The following ENTPD8 variants were observed in gnomAD, a reference collection of about 807,000 sequenced individuals.
ENTPD8 encodes the protein E-NTPDase 8.
ENTPD8 carries 35 observed loss-of-function variants against 47.0 expected under a neutral mutation model. The ratio of observed to expected loss-of-function variants is 0.75; its 90% CI spans 0.57 to 0.99. The LOEUF (loss-of-function observed/expected upper bound fraction) is 0.99. Among genes scored for constraint, ENTPD8 ranks in the 50% least tolerant of loss-of-function variants. The pLI is 0.00. For synonymous variants in ENTPD8, 308 were observed against 290.5 expected (o/e 1.06, Z -0.61); for missense variants, 668 against 649.9 (o/e 1.03, Z -0.30).
Position 137,436,101 on chromosome 9 carries a change from C to T in ENTPD8, c.962G>A (p.Arg321Gln), listed in dbSNP as rs778907369. 32 of 1,612,902 alleles carry T rather than the reference C, an allele frequency of 2.0e-5. No homozygotes were observed. The highest frequency in any genetic ancestry group is 8.3e-5 in the Admixed American group (5 of 60,010). Residue 321 changes from arginine to glutamine, a missense_variant, in exon 7 of 10, where the codon CGG becomes CAG. Physicochemically the swap from Arg to Gln is conservative, Grantham distance 43. Coordinates refer to ENST00000371506, the MANE Select transcript of ENTPD8 (RefSeq NM_001033113.2). ...GNPGACVSAI[R>Q]ELFNFSSCQG... ...GCAGCTGGAGAAGTTGAAAAGTTCCCGGATGGCTGAGACGCAGGCTCCAGG... is the reference window on the plus strand; with the variant it reads ...GCAGCTGGAGAAGTTGAAAAGTTCCTGGATGGCTGAGACGCAGGCTCCAGG...
intron 1 of ENTPD8, among the ~76,000 whole-genome samples, chr9:137,440,231 C>G (rs1300244037): frequency 4.1e-5 from 3 of 73,348 alleles, no homozygotes; most frequent in Admixed American, 1.2e-4. Flanking sequence ...CAGGACACCC[C>G]CTCACACAGA....
rs770182462 is a variant in ENTPD8, at chr9:137,436,087, A to G, written c.976T>C (p.Phe326Leu). Residue 326 changes from phenylalanine (F) to leucine (L), a missense_variant, in exon 7 of 10, where the codon TTC becomes CTC. Phe to Leu is a conservative substitution (Grantham distance 22). Coordinates refer to ENST00000371506, the MANE Select transcript of ENTPD8 (RefSeq NM_001033113.2). ...TCCTCCTGGCCCTGGCAGCTGGAGA[A>G]GTTGAAAAGTTCCCGGATGGCTGAG... ...CVSAIRELFN[F>L]SSCQGQEDCA... is the part of the protein sequence containing the mutation. 2.5e-6 allele frequency: 4 copies of G among 1,612,996 alleles called. No individual in the cohort carries two copies. The highest frequency in any genetic ancestry group is 3.4e-6 in the Non-Finnish European group (4 of 1,179,980).
intron 6 of ENTPD8, 69 bp from the exon 7 acceptor site, chr9:137,436,345 A>G: frequency 1.4e-6 from 2 of 1,449,718 alleles, no homozygotes; most frequent in Non-Finnish European, 1.8e-6. Flanking sequence ...CCGGGGCCGG[A>G]TGACCCACGC....
At chr9:137,439,013 G>T (rs963714205) in intron 1 of ENTPD8, among the ~76,000 whole-genome samples, 5 of 152,146 alleles carry the variant, frequency 3.3e-5, no homozygotes, top group African/African-American at 4.8e-5. Flanking sequence ...TAGGGTGGGG[G>T]TTTCTCTCTG....
In ENTPD8 at chr9:137,437,033, G is replaced by A; in HGVS notation, c.396-5C>T. 1 of 1,611,532 alleles carries A rather than the reference G, an allele frequency of 6.2e-7. No homozygotes were observed. Among genetic ancestry groups the A allele is most frequent in the Non-Finnish European group, 8.5e-7 (1 of 1,179,110 alleles). On this transcript the variant is annotated splice_polypyrimidine_tract_variant and splice_region_variant and intron_variant, in intron 4 of 9. Coordinates refer to ENST00000371506, the MANE Select transcript of ENTPD8 (RefSeq NM_001033113.2). ...GCCTGAGAGCTGTTCTTCCGGCTGG[G>A]CACAGAGGACCAGGGGCTGGAGCTG... is the stretch of plus-strand genomic sequence containing the variant.
In ENTPD8 at chr9:137,438,602, C is replaced by T. The variant is rs983755179; in HGVS notation, c.-20-297G>A. 2.7e-5 allele frequency among the ~76,000 whole-genome samples: 4 copies of T among 150,124 alleles called. No individual in the cohort carries two copies. The highest frequency in any genetic ancestry group is 4.9e-5 in the African/African-American group (2 of 40,730). On this transcript the variant is annotated intron_variant, in intron 1 of 9. Coordinates refer to ENST00000371506, the MANE Select transcript of ENTPD8 (RefSeq NM_001033113.2). This position sits in a 1 kb window ranked among gnomAD's most constrained non-coding sequence, Gnocchi z 5.7. ...CATAGAGGCATCCCCGGGGCTCAGA[C>T]GGCCTCCCGTGGCCATAGAGGCATC...
intron 1 of ENTPD8, among the ~76,000 whole-genome samples, chr9:137,440,008 GCC>G (rs1331706985): frequency 8.0e-5 from 3 of 37,288 alleles, no homozygotes. Context: ...GACCAGGACA[GCC>G]CCCCCCAGAC....
intron 1 of ENTPD8, among the ~76,000 whole-genome samples, chr9:137,439,483 G>A (rs546726304): frequency 2.8e-3 from 429 of 152,270 alleles, no homozygotes; most frequent in Middle Eastern, 0.027. Context: ...TGGCAGGCGC[G>A]GGTGCTGCCC....
Position 137,441,237 on chromosome 9 carries a change from G to GC in ENTPD8, c.-21+48dup, listed in dbSNP as rs200180807. 2.3e-4 allele frequency: 26 copies of GC among 115,478 alleles called. 1 individual carries two copies. The highest frequency in any genetic ancestry group is 1.4e-3 in the African/African-American group (24 of 16,770). The allele number at this position is 115,478 out of a possible 1,614,324, so 7.2% of individuals were successfully genotyped here. A position where few individuals can be genotyped will look rare whatever the true frequency, so the allele number is the denominator to read the frequency against. ...CAGGACAGCCCCCCAGACCAGGACA[G>GC]CCCCCCAGACCAGGACAGCCCCCCC... is the stretch of plus-strand genomic sequence containing the variant. On this transcript the variant is annotated intron_variant, in intron 1 of 9. Transcript: ENST00000371506.
At chr9:137,436,361 C>A in intron 6 of ENTPD8, 85 bp from the exon 7 acceptor site, 6 of 1,439,112 alleles carry the variant, frequency 4.2e-6, no homozygotes, top group South Asian at 1.4e-5. Flanking sequence ...CACGCCAGCC[C>A]CGCGCCCATA....
At position 137,434,836 on chromosome 9, in the gene ENTPD8, G is replaced by A. The variant is rs1056040534; in HGVS notation, c.*78C>T. On this transcript the variant is annotated 3_prime_UTR_variant, in exon 10 of 10. Coordinates refer to ENST00000371506, the MANE Select transcript of ENTPD8 (RefSeq NM_001033113.2). ...GAGCCACAGAGCAAGGCCCCACGGC[G>A]CTCAGGGCTCAGGAAGCCTCCAGCA... 5.5e-6 allele frequency: 8 copies of A among 1,461,360 alleles called. No individual in the cohort carries two copies. The African/African-American group carries it at 5.6e-5, about 10-fold the overall frequency. 90.5% of individuals were successfully genotyped at this position (1,461,360 alleles called of 1,614,324 possible). A position where few individuals can be genotyped will look rare whatever the true frequency, so the allele number is the denominator to read the frequency against.
rs948833071 is a variant in ENTPD8 at position 137,438,763 on chromosome 9, G to C, written c.-20-458C>G. Reference sequence around the variant, plus strand: ...CATCAGAGGGCCCTGTGGGAGGGGGGCGGGGGGCAGCAGAGGCCTCGTCTG... The same window carrying C: ...CATCAGAGGGCCCTGTGGGAGGGGGCCGGGGGGCAGCAGAGGCCTCGTCTG... On this transcript the variant is annotated intron_variant, in intron 1 of 9. Coordinates refer to ENST00000371506, the MANE Select transcript of ENTPD8 (RefSeq NM_001033113.2). The surrounding 1 kb of genome is among the most constrained non-coding windows in gnomAD (Gnocchi z 5.7). 1.3e-5 allele frequency among the ~76,000 whole-genome samples: 2 copies of C among 152,138 alleles called. No homozygotes were observed. The highest frequency in any genetic ancestry group is 6.5e-5 in the Admixed American group (1 of 15,286).
intron 1 of ENTPD8, among the ~76,000 whole-genome samples, chr9:137,439,073 G>A (rs957180653): frequency 6.6e-6 from 1 of 152,124 alleles, no homozygotes; most frequent in Non-Finnish European, 1.5e-5. Context: ...CCCAGGGTGA[G>A]GCCAGCCATC....
chr9:137,435,471 C>T (rs1455553401), intron 8 of ENTPD8, 133 bp from the exon 9 acceptor site: 2 of 1,407,176 alleles, frequency 1.4e-6, no homozygotes, highest in Non-Finnish European at 1.9e-6. Context: ...AGAGCCCCTC[C>T]CTGGCCCCAC....
chr9:137,435,396 G>A, intron 8 of ENTPD8, 58 bp from the exon 9 acceptor site: 1 of 1,568,696 alleles, frequency 6.4e-7, no homozygotes, highest in Non-Finnish European at 8.6e-7. Context: ...GTCATGCGGG[G>A]ACCGCCCCAT....
Position 137,438,845 on chromosome 9 carries a change from C to T in ENTPD8, c.-20-540G>A, listed in dbSNP as rs552775304. On this transcript the variant is annotated intron_variant, in intron 1 of 9. Transcript: ENST00000371506. This position sits in a 1 kb window ranked among gnomAD's most constrained non-coding sequence, Gnocchi z 5.7. Reference sequence around the variant, plus strand: ...CCCTCGGACCCCCTCGGATGGGACTCGCGGAGCTGCCCCCACCATGTGATG... The same window carrying T: ...CCCTCGGACCCCCTCGGATGGGACTTGCGGAGCTGCCCCCACCATGTGATG... 2.0e-5 allele frequency among the ~76,000 whole-genome samples: 3 copies of T among 152,186 alleles called. No individual in the cohort carries two copies. Among genetic ancestry groups the T allele is most frequent in the East Asian group, 1.9e-4 (1 of 5,162 alleles).
chr9:137,438,262 C>A lies in ENTPD8; in HGVS notation c.24G>T (p.Gln8His). The change falls in exon 2 of 10, where the codon CAG becomes CAT. Residue 8 changes from glutamine to histidine, a missense_variant. Transcript: ENST00000371506. This position sits in a 1 kb window ranked among gnomAD's most constrained non-coding sequence, Gnocchi z 5.7. MGLSRKE[Q>H]VFLALLGASG... ...AGGCCCCCAGCAGGGCCAAGAAGAC[C>A]TGCTCCTTCCGGGACAGCCCCATGG... 1 of 1,593,592 alleles carries A rather than the reference C, an allele frequency of 6.3e-7. No homozygotes were observed. Among genetic ancestry groups the A allele is most frequent in the Non-Finnish European group, 8.5e-7 (1 of 1,170,552 alleles).
rs894458882 is a variant in ENTPD8, at chr9:137,438,700, C to T, written c.-20-395G>A. On this transcript the variant is annotated intron_variant, in intron 1 of 9. Coordinates refer to ENST00000371506, the MANE Select transcript of ENTPD8 (RefSeq NM_001033113.2). This position sits in a 1 kb window ranked among gnomAD's most constrained non-coding sequence, Gnocchi z 5.7. Reference sequence around the variant, plus strand: ...TCAGACGCCTCCCGTGGCCAAGGACCACTCCCCAGGAGCCACGCCTGCCAG... The same window carrying T: ...TCAGACGCCTCCCGTGGCCAAGGACTACTCCCCAGGAGCCACGCCTGCCAG... 6.6e-6 allele frequency among the ~76,000 whole-genome samples: 1 copy of T among 152,136 alleles called. No individual in the cohort carries two copies. The highest frequency in any genetic ancestry group is 1.9e-4 in the East Asian group (1 of 5,184).
chr9:137,434,452 A>T lies in ENTPD8; in HGVS notation c.*462T>A, dbSNP rs1277973902. On this transcript the variant is annotated 3_prime_UTR_variant, in exon 10 of 10. Transcript: ENST00000371506. ...GTGGGAGGCCGGGCTGGCCCAGCAG[A>T]AGCCCCCAGGCCTGGACTCCATCCA... 1.4e-6 allele frequency: 2 copies of T among 1,420,634 alleles called. No homozygotes were observed. The highest frequency in any genetic ancestry group is 1.9e-6 in the Non-Finnish European group (2 of 1,057,878). 88.0% of individuals were successfully genotyped at this position (1,420,634 alleles called of 1,614,324 possible).
Sources: allele counts gnomAD v4.1 joint callset (sites outside exome capture counted in the v4.1 genomes callset), GRCh38; gene constraint gnomAD v4.1.1; non-coding constraint Gnocchi (gnomAD v3.1); transcripts MANE v1.5; gene names NCBI Gene and HGNC (gene_info 2026-07-23, HGNC 2026-07-21).